Variants in CPNE4 observed in about 807,000 individuals in gnomAD.
CPNE4 encodes the protein copine 4.
In CPNE4, 25 loss-of-function variants were observed where a neutral mutation model predicts 67.9. That is an observed-to-expected ratio of 0.37 (90% confidence interval 0.27 to 0.51). CPNE4 has a LOEUF of 0.51. Among genes scored for constraint, CPNE4 ranks in the 20% least tolerant of loss-of-function variants. CPNE4 has a pLI of 0.93. For missense variants in CPNE4, 464 were observed against 690.8 expected, an observed-to-expected ratio of 0.67 and a Z score of 3.68; for synonymous variants, 242 against 244.9, an observed-to-expected ratio of 0.99 and a Z score of 0.11.
chr3:131,743,391 G>A (rs552716516), intron 2 of CPNE4, among the ~76,000 whole-genome samples: 57 of 152,092 alleles, frequency 3.7e-4, no homozygotes, highest in Non-Finnish European at 7.2e-4. Flanking sequence ...AGGCCACACA[G>A]AAAGCTAGAC....
At chr3:131,802,703 C>A (rs2084175139) in intron 2 of CPNE4, among the ~76,000 whole-genome samples, 1 of 152,202 alleles carries the variant, frequency 6.6e-6, no homozygotes, top group African/African-American at 2.4e-5. Flanking sequence ...CCTCAAAGCA[C>A]AAAATGTTCA....
In CPNE4 at chr3:131,960,990, T is replaced by C. The variant is rs570299745; in HGVS notation, c.-1-55546A>G. Among the ~76,000 whole-genome samples, 8 of 152,314 alleles carry C rather than the reference T, an allele frequency of 5.3e-5. No homozygotes were observed. In the South Asian group the frequency reaches 1.7e-3, roughly 32 times the overall value. On this transcript the variant is annotated intron_variant, in intron 1 of 15. Coordinates refer to ENST00000429747, the MANE Select transcript of CPNE4 (RefSeq NM_130808.3). ...TGCAGCAGGCATACAAGCTTGGTCC[T>C]ATAACAATGGTACAAACTCAGAGAG...
At chr3:131,589,344 G>A (rs1938390063) in intron 7 of CPNE4, among the ~76,000 whole-genome samples, 1 of 152,320 alleles carries the variant, frequency 6.6e-6, no homozygotes, top group East Asian at 1.9e-4. Context: ...TGATGTCCAA[G>A]GGCAGAAAGA....
intron 2 of CPNE4, among the ~76,000 whole-genome samples, chr3:131,856,933 C>T (rs1462884884): frequency 6.6e-6 from 1 of 152,000 alleles, no homozygotes; most frequent in African/African-American, 2.4e-5. Flanking sequence ...TGCTCTTCCC[C>T]ATGATGATAT....
chr3:131,744,975 G>A (rs960360313), intron 2 of CPNE4, among the ~76,000 whole-genome samples: 2 of 152,144 alleles, frequency 1.3e-5, no homozygotes, highest in South Asian at 2.1e-4. Context: ...GAGTCGTATG[G>A]TAGTTGCATG....
intron 2 of CPNE4, among the ~76,000 whole-genome samples, chr3:131,776,351 G>C (rs1305387602): frequency 2.0e-5 from 3 of 152,138 alleles, no homozygotes; most frequent in Non-Finnish European, 4.4e-5. Context: ...GCAAATGGCA[G>C]AACAGGATTC....
intron 1 of CPNE4, among the ~76,000 whole-genome samples, chr3:132,008,764 T>TA (rs1237771966): frequency 6.6e-6 from 1 of 152,134 alleles, no homozygotes; most frequent in African/African-American, 2.4e-5. Flanking sequence ...TTTTTTTTCT[T>TA]AAAAAAATCC....
intron 7 of CPNE4, among the ~76,000 whole-genome samples, chr3:131,662,703 T>C (rs60546548): frequency 0.013 from 1,907 of 152,218 alleles, 42 homozygotes; most frequent in African/African-American, 0.043. Flanking sequence ...CCAAAAAACA[T>C]ATGAAGAAAA....
intron 15 of CPNE4, among the ~76,000 whole-genome samples, chr3:131,537,998 C>T (rs990445792): frequency 3.9e-5 from 6 of 152,152 alleles, no homozygotes; most frequent in Admixed American, 6.5e-5. Context: ...GGCCTCTACC[C>T]ACTAGATATG....
At chr3:131,672,700 T>C (rs2080452927) in intron 6 of CPNE4, among the ~76,000 whole-genome samples, 1 of 152,092 alleles carries the variant, frequency 6.6e-6, no homozygotes. Context: ...TTTTTTCTCA[T>C]AGAGTTGTTT....
At chr3:131,829,566 C>T (rs1169053752) in intron 2 of CPNE4, among the ~76,000 whole-genome samples, 1 of 152,104 alleles carries the variant, frequency 6.6e-6, no homozygotes, top group Non-Finnish European at 1.5e-5. Flanking sequence ...ATCACCCAAA[C>T]TGATATTTCA....
intron 6 of CPNE4, among the ~76,000 whole-genome samples, chr3:131,674,413 T>C (rs1023738127): frequency 1.8e-4 from 27 of 151,890 alleles, no homozygotes; most frequent in African/African-American, 5.6e-4. Flanking sequence ...ATTCTACCAA[T>C]ATGTTTGGTA....
intron 2 of CPNE4, among the ~76,000 whole-genome samples, chr3:131,768,594 G>T (rs887567017): frequency 1.3e-5 from 2 of 152,140 alleles, no homozygotes; most frequent in Admixed American, 6.6e-5. Context: ...AGTCCTGGGG[G>T]ATGTCTGCTA....
intron 1 of CPNE4, among the ~76,000 whole-genome samples, chr3:131,919,679 A>T (rs1667614836): frequency 6.6e-6 from 1 of 152,238 alleles, no homozygotes; most frequent in African/African-American, 2.4e-5. Flanking sequence ...TTGTACTCAG[A>T]TAAAATTTTA....
chr3:131,710,230 G>T (rs558922989), intron 3 of CPNE4, among the ~76,000 whole-genome samples: 1 of 152,210 alleles, frequency 6.6e-6, no homozygotes, highest in East Asian at 1.9e-4. Context: ...TCAGATTATT[G>T]TTACCCTTAA....
chr3:131,555,660 T>C, intron 11 of CPNE4, 109 bp from the exon 12 acceptor site: 1 of 861,504 alleles, frequency 1.2e-6, no homozygotes. Context: ...CATGTTGCTA[T>C]GCCAGTGCTG....
At chr3:131,783,627 G>A (rs184862481) in intron 2 of CPNE4, among the ~76,000 whole-genome samples, 32 of 152,132 alleles carry the variant, frequency 2.1e-4, no homozygotes, top group African/African-American at 7.0e-4. Context: ...GTTCAAGCCT[G>A]ATTCTCCAGT....
intron 1 of CPNE4, among the ~76,000 whole-genome samples, chr3:131,965,688 A>G (rs1191624458): frequency 6.6e-6 from 1 of 152,230 alleles, no homozygotes; most frequent in Non-Finnish European, 1.5e-5. Context: ...TCCTAAATAT[A>G]TATGCACCCA....
intron 7 of CPNE4, among the ~76,000 whole-genome samples, chr3:131,633,781 A>T (rs1206172180): frequency 5.3e-5 from 8 of 151,986 alleles, no homozygotes; most frequent in Admixed American, 5.2e-4. Context: ...TAAAAAAAAG[A>T]ACAGAATAAA....
Sources: allele counts gnomAD v4.1 joint callset (sites outside exome capture counted in the v4.1 genomes callset), GRCh38; gene constraint gnomAD v4.1.1; transcripts MANE v1.5; gene names NCBI Gene and HGNC (gene_info 2026-07-23, HGNC 2026-07-21).